Variants in CEP192 observed in about 807,000 individuals in gnomAD.
CEP192 encodes centrosomal protein of 192 kDa.
CEP192 carries 151 observed loss-of-function variants against 271.8 expected under a neutral mutation model. The ratio of observed to expected loss-of-function variants is 0.56; its 90% CI spans 0.49 to 0.64. The LOEUF (loss-of-function observed/expected upper bound fraction) is 0.64. Ranked by LOEUF, CEP192 falls within the 30% of genes least tolerant of loss-of-function variation. The probability of loss-of-function intolerance (pLI) is 0.00; values close to 1 mark genes in which losing one functional copy is unlikely to be tolerated. For missense variants in CEP192, 2,910 were observed against 3,020.5 expected, an observed-to-expected ratio of 0.96 and a Z score of 0.86; for synonymous variants, 995 against 1,076.5, an observed-to-expected ratio of 0.92 and a Z score of 1.48.
intron 30 of CEP192, among the ~76,000 whole-genome samples, chr18:13,075,905 A>T (rs1246814246): frequency 6.6e-6 from 1 of 152,238 alleles, no homozygotes; most frequent in African/African-American, 2.4e-5. Flanking sequence ...TGTATTGTGC[A>T]GTCTCTAGGG....
At chr18:13,004,135 G>T (rs1164240943) in intron 3 of CEP192, among the ~76,000 whole-genome samples, 1 of 152,166 alleles carries the variant, frequency 6.6e-6, no homozygotes, top group East Asian at 1.9e-4. Context: ...TAAGTAGTTT[G>T]GTGTAAGTAG....
chr18:13,065,111 CTT>C (rs2037622630), intron 21 of CEP192, among the ~76,000 whole-genome samples: 1 of 150,516 alleles, frequency 6.6e-6, no homozygotes, highest in Middle Eastern at 3.5e-3. Flanking sequence ...ATGCTACTGA[CTT>C]TTATATGTTA....
At chr18:13,019,269 TATG>T in intron 9 of CEP192, 63 bp downstream of exon 9, 1 of 1,321,826 alleles carries the variant, frequency 7.6e-7, no homozygotes, top group Non-Finnish European at 9.9e-7. Context: ...TTTGTGTTTA[TATG>T]ATATCAGTTT....
At chr18:13,033,546 G>A (rs2035749446) in intron 11 of CEP192, among the ~76,000 whole-genome samples, 2 of 152,232 alleles carry the variant, frequency 1.3e-5, no homozygotes, top group South Asian at 4.1e-4. Flanking sequence ...CTGTAACCGA[G>A]CAGTTCTGCT....
chr18:13,059,165 T>C lies in CEP192; in HGVS notation c.4341T>C (p.Leu1447=). Residue 1447 remains leucine, a synonymous_variant, in exon 21 of 45, where the codon CTT becomes CTC. Coordinates refer to ENST00000506447, the MANE Select transcript of CEP192 (RefSeq NM_032142.4). ...ATGCCACAGAAGAGATAAAAGTGCT[T>C]TTTATACCATCCAGTCCTGGGGTTT... The part of the protein sequence containing the change: ...RPHATEEIKV[L]FIPSSPGVFR... The C allele has an allele frequency of 6.2e-7, 1 of 1,614,112 alleles. No individual in the cohort carries two copies. The highest frequency in any genetic ancestry group is 8.5e-7 in the Non-Finnish European group (1 of 1,179,982).
Position 13,008,437 on chromosome 18 carries a change from C to T in CEP192, c.291-19C>T. ...AGGTAACTAACATTTTATCATTCTTCTGTTTCCTAATAAAAAAGTTCTATC... is the reference window on the plus strand; with the variant it reads ...AGGTAACTAACATTTTATCATTCTTTTGTTTCCTAATAAAAAAGTTCTATC... On this transcript the variant is annotated intron_variant, in intron 3 of 44. Coordinates refer to ENST00000506447, the MANE Select transcript of CEP192 (RefSeq NM_032142.4). 6.7e-7 allele frequency: 1 copy of T among 1,483,138 alleles called. No individual in the cohort carries two copies. Among genetic ancestry groups the T allele is most frequent in the Non-Finnish European group, 9.1e-7 (1 of 1,093,624 alleles). 91.9% of individuals were successfully genotyped at this position (1,483,138 alleles called of 1,614,324 possible). A position where few individuals can be genotyped will look rare whatever the true frequency, so the allele number is the denominator to read the frequency against.
intron 1 of CEP192, among the ~76,000 whole-genome samples, chr18:12,996,110 G>A (rs546620596): frequency 2.4e-4 from 36 of 152,160 alleles, no homozygotes; most frequent in African/African-American, 8.7e-4. Context: ...TGTGTGGAGA[G>A]TAGACTAGGG....
chr18:13,061,812 C>T (rs1201077582), intron 21 of CEP192, among the ~76,000 whole-genome samples: 3 of 152,196 alleles, frequency 2.0e-5, no homozygotes, highest in Non-Finnish European at 4.4e-5. Context: ...GGCCTCTACC[C>T]ACTGGGTGTC....
chr18:13,022,052 G>C (rs1555707274), intron 9 of CEP192, among the ~76,000 whole-genome samples: 1 of 151,860 alleles, frequency 6.6e-6, no homozygotes, highest in Non-Finnish European at 1.5e-5. Flanking sequence ...TTTTGTGAAA[G>C]GTGTAATGTC....
chr18:13,061,371 T>G (rs930218610), intron 21 of CEP192, among the ~76,000 whole-genome samples: 3 of 152,244 alleles, frequency 2.0e-5, no homozygotes, highest in African/African-American at 7.2e-5. Flanking sequence ...GCTGTAACTG[T>G]GACTTGCAGT....
At chr18:13,046,454 A>G (rs533851761) in intron 15 of CEP192, among the ~76,000 whole-genome samples, 5 of 151,984 alleles carry the variant, frequency 3.3e-5, no homozygotes, top group Non-Finnish European at 7.4e-5. Flanking sequence ...TTTGCTTTTT[A>G]TTTGTTTCAC....
rs774303117 is a variant in CEP192 at position 13,056,532 on chromosome 18, A to G, written c.3942A>G (p.Leu1314=). The G allele has an allele frequency of 1.2e-6, 2 of 1,614,222 alleles. No homozygotes were observed. The highest frequency in any genetic ancestry group is 4.5e-5 in the East Asian group (2 of 44,862). The change falls in exon 19 of 45, where the codon CTA becomes CTG. Residue 1314 remains leucine (L), a synonymous_variant. Transcript: ENST00000506447. Reference sequence around the variant, plus strand: ...ACTCTGTGGCTGTGGGAATTTGTCTAGGATCAAATATCGGCTCTGGATGGA... The same window carrying G: ...ACTCTGTGGCTGTGGGAATTTGTCTGGGATCAAATATCGGCTCTGGATGGA... ...VQNSVAVGIC[L]GSNIGSGWMG... is the part of the protein sequence containing the mutation.
chr18:13,048,910 G>A lies in CEP192; in HGVS notation c.2119G>A (p.Asp707Asn), dbSNP rs916206138. Residue 707 changes from aspartate (D) to asparagine (N), a missense_variant, in exon 16 of 45, where the codon GAT becomes AAT. Transcript: ENST00000506447. ...CCAAAGATACAAAGACAAGCTACCA[G>A]ATAGTGGTGATTCTATGCTTAGGAT... Reference protein sequence around the residue: ...KPQRYKDKLPDSGDSMLRIST... With the variant: ...KPQRYKDKLPNSGDSMLRIST... 4.3e-6 allele frequency: 7 copies of A among 1,613,484 alleles called. No individual in the cohort carries two copies. The African/African-American group carries it at 8.0e-5, about 18-fold the overall frequency.
At chr18:13,104,440 A>G (rs967543636) in intron 39 of CEP192, among the ~76,000 whole-genome samples, 1 of 152,148 alleles carries the variant, frequency 6.6e-6, no homozygotes, top group African/African-American at 2.4e-5. Flanking sequence ...TTTGAGCCAT[A>G]ATACTACCAA....
At chr18:13,015,713 T>C (rs1176380322) in intron 6 of CEP192, among the ~76,000 whole-genome samples, 2 of 152,150 alleles carry the variant, frequency 1.3e-5, no homozygotes, top group Non-Finnish European at 2.9e-5. Context: ...CTTCAGTATA[T>C]AGCATTGTGT....
intron 3 of CEP192, among the ~76,000 whole-genome samples, chr18:13,007,589 T>C (rs1391675715): frequency 6.6e-6 from 1 of 152,202 alleles, no homozygotes; most frequent in East Asian, 1.9e-4. Context: ...ATGTATAGTC[T>C]TTCCACCTAT....
In CEP192 at chr18:13,122,832, CGTGTGTGTGT is replaced by C. The variant is rs59158168; in HGVS notation, c.7476-1781_7476-1772del. ...AGAGGACTTTCCTGCTACCTTTTCC[CGTGTGTGTGT>C]GTGTGTGTGTGTGTGTGTAGAGATT... On this transcript the variant is annotated intron_variant, in intron 44 of 44. Coordinates refer to ENST00000506447, the MANE Select transcript of CEP192 (RefSeq NM_032142.4). Among the ~76,000 whole-genome samples the C allele has an allele frequency of 5.8e-3, 875 of 150,368 alleles. 14 individuals carry two copies. Among genetic ancestry groups the C allele is most frequent in the African/African-American group, 0.02 (837 of 41,104 alleles).
In CEP192 at chr18:13,092,405, T is replaced by C. The variant is rs1205396800; in HGVS notation, c.6132T>C (p.Asp2044=). The C allele has an allele frequency of 6.9e-6, 11 of 1,601,630 alleles. No homozygotes were observed. Among genetic ancestry groups the C allele is most frequent in the African/African-American group, 1.3e-5 (1 of 74,576 alleles). The change falls in exon 34 of 45, where the codon GAT becomes GAC. Residue 2044 remains aspartate (D), a synonymous_variant. Coordinates refer to ENST00000506447, the MANE Select transcript of CEP192 (RefSeq NM_032142.4). ...EVYDLPQRPN[D]VQLFYGSMCK... ...ATGATCTTCCCCAACGACCTAATGA[T>C]GTTCAGCTCTTTTATGGAAGCATGT...
intron 44 of CEP192, among the ~76,000 whole-genome samples, chr18:13,120,919 C>T (rs763742488): frequency 2.0e-5 from 3 of 152,152 alleles, no homozygotes; most frequent in Non-Finnish European, 4.4e-5. Flanking sequence ...CTTTATTTTA[C>T]GCAAAGAAAG....
Sources: gnomAD v4.1 joint callset for allele counts (sites outside exome capture counted in the v4.1 genomes callset) on GRCh38, gnomAD v4.1.1 for gene constraint, MANE v1.5 for transcripts, NCBI Gene and HGNC (gene_info 2026-07-23, HGNC 2026-07-21) for gene names.